The following CIMAP2 variants were observed in gnomAD, a reference collection of about 807,000 sequenced individuals.
The protein encoded by CIMAP2 is ciliary microtubule associated protein 2, also known as ciliary microtubule-associated protein 2.
chr1:54,836,122 C>T, the CIMAP2 span, among the ~76,000 whole-genome samples: 2 of 152,020 alleles, frequency 1.3e-5, no homozygotes, highest in African/African-American at 2.4e-5. Flanking sequence ...TACTCTGGGA[C>T]ACAGAAGTCA....
At chr1:54,810,890 C>T in the CIMAP2 span, among the ~76,000 whole-genome samples, 3 of 152,206 alleles carry the variant, frequency 2.0e-5, no homozygotes, top group Admixed American at 6.5e-5. Flanking sequence ...TGCCTGTGAG[C>T]CTCCACTACT....
chr1:54,811,766 C>CGGGGGGGGGCG, the CIMAP2 span: 5 of 1,305,182 alleles, frequency 3.8e-6, no homozygotes, highest in Non-Finnish European at 3.2e-6. Context: ...GTTCTGACAG[C>CGGGGGGGGGCG]CTCCATGCCC....
the CIMAP2 span, among the ~76,000 whole-genome samples, chr1:54,836,296 CCTGCCTGCCT>C: frequency 6.2e-3 from 1 of 162 alleles, no homozygotes; most frequent in Admixed American, 0.062. Flanking sequence ...TGCCTGCCTG[CCTGCCTGCCT>C]GCCTGCCTGC....
At chr1:54,823,012 T>C in the CIMAP2 span, among the ~76,000 whole-genome samples, 1 of 152,228 alleles carries the variant, frequency 6.6e-6, no homozygotes, top group Non-Finnish European at 1.5e-5. Context: ...TCCTGGAGAA[T>C]GTTCCATGTA....
At chr1:54,837,349 A>G in the CIMAP2 span, among the ~76,000 whole-genome samples, 1 of 152,126 alleles carries the variant, frequency 6.6e-6, no homozygotes, top group Non-Finnish European at 1.5e-5. Context: ...GTTGGTGAAC[A>G]TCGGGAGAAG....
chr1:54,809,856 C>G, the CIMAP2 span, among the ~76,000 whole-genome samples: 7 of 138,572 alleles, frequency 5.1e-5, no homozygotes, highest in East Asian at 1.5e-3. Flanking sequence ...CTTTGGGGAT[C>G]CTTTTCAAAG....
chr1:54,811,765 G>GCCGGGCGGGGGGCCCCCCCC, the CIMAP2 span: 1 of 1,301,332 alleles, frequency 7.7e-7, no homozygotes, highest in Non-Finnish European at 1.1e-6. Flanking sequence ...GGTTCTGACA[G>GCCGGGCGGGGGGCCCCCCCC]CCTCCATGCC....
At chr1:54,806,854 A>G in the CIMAP2 span, 1 of 777,182 alleles carries the variant, frequency 1.3e-6, no homozygotes, top group East Asian at 2.4e-5. Flanking sequence ...ATTCAAAGCC[A>G]CTGCAACTCC....
the CIMAP2 span, chr1:54,817,198 C>G: frequency 6.4e-7 from 1 of 1,572,702 alleles, no homozygotes; most frequent in Non-Finnish European, 8.6e-7. Flanking sequence ...TGGTGGTTCC[C>G]CATGTTTGGT....
chr1:54,831,733 A>G, the CIMAP2 span, among the ~76,000 whole-genome samples: 1 of 152,214 alleles, frequency 6.6e-6, no homozygotes, highest in Non-Finnish European at 1.5e-5. Context: ...CAACAACGAA[A>G]AGGAAGAGTA....
chr1:54,817,867 A>G, the CIMAP2 span, among the ~76,000 whole-genome samples: 1 of 152,168 alleles, frequency 6.6e-6, no homozygotes, highest in Non-Finnish European at 1.5e-5. Flanking sequence ...CTCCTTCTCA[A>G]CTTACCCCCT....
At chr1:54,811,765 G>GCGGGGGGGGGGGGCCCCCCC in the CIMAP2 span, 1 of 1,301,330 alleles carries the variant, frequency 7.7e-7, no homozygotes, top group Non-Finnish European at 1.1e-6. Flanking sequence ...GGTTCTGACA[G>GCGGGGGGGGGGGGCCCCCCC]CCTCCATGCC....
the CIMAP2 span, among the ~76,000 whole-genome samples, chr1:54,824,048 T>C: frequency 6.6e-6 from 1 of 152,056 alleles, no homozygotes; most frequent in East Asian, 1.9e-4. Context: ...TTAAGACAAG[T>C]TCTCGCTCTG....
At chr1:54,820,935 AT>A in the CIMAP2 span, among the ~76,000 whole-genome samples, 1 of 151,832 alleles carries the variant, frequency 6.6e-6, no homozygotes, top group Non-Finnish European at 1.5e-5. Context: ...CCCCCGGCTA[AT>A]TTTTGTATTT....
the CIMAP2 span, chr1:54,817,036 A>G: frequency 6.2e-7 from 1 of 1,614,096 alleles, no homozygotes; most frequent in Non-Finnish European, 8.5e-7. Context: ...TGATGGAGAC[A>G]AAGGACAGGC....
chr1:54,808,698 G>A, the CIMAP2 span, among the ~76,000 whole-genome samples: 3 of 151,658 alleles, frequency 2.0e-5, no homozygotes, highest in African/African-American at 7.3e-5. Context: ...AGGGTTGGGA[G>A]GAGGCGATGG....
At chr1:54,809,852 G>T in the CIMAP2 span, among the ~76,000 whole-genome samples, 1 of 144,284 alleles carries the variant, frequency 6.9e-6, no homozygotes, top group African/African-American at 2.6e-5. Flanking sequence ...CTGTCTTTGG[G>T]GATCCTTTTC....
At chr1:54,831,766 T>C in the CIMAP2 span, among the ~76,000 whole-genome samples, 3 of 151,786 alleles carry the variant, frequency 2.0e-5, no homozygotes, top group African/African-American at 4.8e-5. Context: ...CTAAGCAAAA[T>C]AGAATTCAAG....
chr1:54,841,824 AG>A, the CIMAP2 span: 12 of 1,560,934 alleles, frequency 7.7e-6, no homozygotes, highest in Non-Finnish European at 1.0e-5. Context: ...CCATTTACTA[AG>A]GGAAAGTGCC....
Sources: gnomAD v4.1 joint callset for allele counts (sites outside exome capture counted in the v4.1 genomes callset) on GRCh38, gnomAD v4.1.1 for gene constraint, MANE v1.5 for transcripts, NCBI Gene and HGNC (gene_info 2026-07-23, HGNC 2026-07-21) for gene names.